The following MCM10 variants were observed in gnomAD, a reference collection of about 807,000 sequenced individuals.
The protein encoded by MCM10 is protein MCM10 homolog.
MCM10 carries 91 observed loss-of-function variants against 109.9 expected under a neutral mutation model. The ratio of observed to expected loss-of-function variants is 0.83; its 90% CI spans 0.70 to 0.99. The LOEUF (loss-of-function observed/expected upper bound fraction) is 0.99, where lower values mean the gene tolerates loss of function less well. Among genes scored for constraint, MCM10 ranks in the 50% least tolerant of loss-of-function variants. The pLI is 0.00. For missense variants in MCM10, 1,077 were observed against 1,061.2 expected (o/e 1.01, Z -0.21); for synonymous variants, 380 against 387.2 (o/e 0.98, Z 0.22).
At chr10:13,178,060 CT>C (rs886856698) in intron 6 of MCM10, among the ~76,000 whole-genome samples, 1 of 152,084 alleles carries the variant, frequency 6.6e-6, no homozygotes, top group African/African-American at 2.4e-5. Flanking sequence ...CCAATGTTTT[CT>C]TTTAGTAATC....
In MCM10 at chr10:13,171,218, C is replaced by G; in HGVS notation, c.304C>G (p.Pro102Ala). Residue 102 changes from proline to alanine, a missense_variant, in exon 3 of 20, where the codon CCT becomes GCT. Pro to Ala is a conservative substitution (Grantham distance 27). Coordinates refer to ENST00000378714, the MANE Select transcript of MCM10 (RefSeq NM_018518.5). ...ACAGTCAACTGAAAATAGGGTCCTCCCTGCTCCTGCCCCCAGGCGAGAGAA... is the reference window on the plus strand; with the variant it reads ...ACAGTCAACTGAAAATAGGGTCCTCGCTGCTCCTGCCCCCAGGCGAGAGAA... ...ASQSTENRVL[P>A]APAPRREKTN... 1 of 1,613,732 alleles carries G rather than the reference C, an allele frequency of 6.2e-7. No individual in the cohort carries two copies. The highest frequency in any genetic ancestry group is 8.5e-7 in the Non-Finnish European group (1 of 1,179,824).
At chr10:13,173,713 T>C (rs1403206949) in intron 5 of MCM10, among the ~76,000 whole-genome samples, 2 of 152,206 alleles carry the variant, frequency 1.3e-5, no homozygotes, top group Non-Finnish European at 2.9e-5. Flanking sequence ...GCAAGTTATA[T>C]ATTCAGATAT....
At chr10:13,169,177 T>C (rs1262905729) in intron 2 of MCM10, among the ~76,000 whole-genome samples, 2 of 152,238 alleles carry the variant, frequency 1.3e-5, no homozygotes, top group African/African-American at 4.8e-5. Context: ...GCAAATGGCA[T>C]ACCTAGTCCA....
chr10:13,163,696 T>G (rs572514401), intron 1 of MCM10, among the ~76,000 whole-genome samples: 12 of 151,760 alleles, frequency 7.9e-5, no homozygotes, highest in Non-Finnish European at 1.6e-4. Flanking sequence ...TTTGTGTGTG[T>G]GTGTGTGTAA....
In MCM10 at chr10:13,166,688, A is replaced by ATG. The variant is rs1435674336; in HGVS notation, c.7+2480_7+2481insGT. On this transcript the variant is annotated intron_variant, in intron 2 of 19. Transcript: ENST00000378714. Reference sequence around the variant, plus strand: ...TATATATATATATATATATATATATATCATCAGCTAAGAGTAAAGAGTGGG... The same window carrying ATG: ...TATATATATATATATATATATATATATGTCATCAGCTAAGAGTAAAGAGTGGG... Among the ~76,000 whole-genome samples, 940 of 135,888 alleles carry ATG rather than the reference A, an allele frequency of 6.9e-3. 30 individuals carry two copies. The highest frequency in any genetic ancestry group is 0.024 in the African/African-American group (788 of 33,060). The allele number at this position is 135,888 out of a possible 152,430, so 89.1% of individuals were successfully genotyped here. A position where few individuals can be genotyped will look rare whatever the true frequency, so the allele number is the denominator to read the frequency against.
At chr10:13,164,244 A>G (rs557127753) in intron 2 of MCM10, 35 bp downstream of exon 2, 14 of 1,582,254 alleles carry the variant, frequency 8.8e-6, no homozygotes, top group Admixed American at 3.8e-5. Context: ...CTCTGTTTCA[A>G]GGAAAACTAA....
At chr10:13,207,451 G>A (rs540009036) in intron 18 of MCM10, among the ~76,000 whole-genome samples, 21 of 152,286 alleles carry the variant, frequency 1.4e-4, no homozygotes, top group African/African-American at 5.1e-4. Flanking sequence ...ATGGTTGGGA[G>A]GTTGTAAGGG....
At chr10:13,186,362 AC>A in intron 9 of MCM10, 82 bp downstream of exon 9, 1 of 910,678 alleles carries the variant, frequency 1.1e-6, no homozygotes, top group Non-Finnish European at 1.7e-6. Flanking sequence ...AGCTGTGATG[AC>A]CAGTTTGGAA....
chr10:13,192,826 A>G (rs1834366767), intron 13 of MCM10, among the ~76,000 whole-genome samples: 1 of 152,134 alleles, frequency 6.6e-6, no homozygotes, highest in African/African-American at 2.4e-5. Flanking sequence ...GTGTATGTAA[A>G]GAGGGTTTTT....
In MCM10 at chr10:13,163,084, A is replaced by AC. The variant is rs2131549976; in HGVS notation, c.-75-1044_-75-1043insC. Among the ~76,000 whole-genome samples the AC allele has an allele frequency of 1.3e-5, 2 of 152,164 alleles. 1 individual carries two copies. Among genetic ancestry groups the AC allele is most frequent in the East Asian group, 3.9e-4 (2 of 5,168 alleles). On this transcript the variant is annotated intron_variant, in intron 1 of 19. Coordinates refer to ENST00000378714, the MANE Select transcript of MCM10 (RefSeq NM_018518.5). ...ACAGAGACTCCGTCTCAAAAAAAAA[A>AC]AAAAGCACCTTTGGGAGTCCAAGGC...
chr10:13,197,883 G>GGT, intron 15 of MCM10, 116 bp downstream of exon 15: 1 of 1,006,920 alleles, frequency 9.9e-7, no homozygotes, highest in Non-Finnish European at 1.4e-6. Flanking sequence ...CTCCTATATA[G>GGT]AATACCTAAA....
At chr10:13,200,724 G>C (rs1018267178) in intron 16 of MCM10, among the ~76,000 whole-genome samples, 1 of 152,104 alleles carries the variant, frequency 6.6e-6, no homozygotes, top group African/African-American at 2.4e-5. Flanking sequence ...ACTCACCAGT[G>C]GGGGCCTGGA....
Position 13,210,440 on chromosome 10 carries a change from A to C in MCM10, c.*1130A>C, listed in dbSNP as rs1251003837. ...TCATTTGACCTAAGTGAATGTTGAT[A>C]CTAGCTAAAGATTGGGTAAATTGGT... On this transcript the variant is annotated 3_prime_UTR_variant, in exon 20 of 20. Coordinates refer to ENST00000378714, the MANE Select transcript of MCM10 (RefSeq NM_018518.5). The C allele has an allele frequency of 6.6e-6, 1 of 152,224 alleles. No individual in the cohort carries two copies. Among genetic ancestry groups the C allele is most frequent in the Non-Finnish European group, 1.5e-5 (1 of 68,044 alleles). The allele number at this position is 152,224 out of a possible 1,614,324, so 9.4% of individuals were successfully genotyped here. A position where few individuals can be genotyped will look rare whatever the true frequency, so the allele number is the denominator to read the frequency against.
Position 13,210,257 on chromosome 10 carries a change from G to A in MCM10, c.*947G>A, listed in dbSNP as rs917557800. 2.1e-5 allele frequency: 3 copies of A among 144,988 alleles called. No individual in the cohort carries two copies. Among genetic ancestry groups the A allele is most frequent in the African/African-American group, 7.7e-5 (3 of 38,720 alleles). The allele number at this position is 144,988 out of a possible 1,614,324, so 9.0% of individuals were successfully genotyped here. On this transcript the variant is annotated 3_prime_UTR_variant, in exon 20 of 20. Coordinates refer to ENST00000378714, the MANE Select transcript of MCM10 (RefSeq NM_018518.5). ...TTTTGTAGAGATGGGGTTTTGCCAT[G>A]TTGCTCAGGCTGGTCTCAAACTCCT...
chr10:13,197,082 T>G (rs982624505), intron 14 of MCM10, among the ~76,000 whole-genome samples: 5 of 152,018 alleles, frequency 3.3e-5, no homozygotes, highest in Non-Finnish European at 7.4e-5. Context: ...TGCACTACCA[T>G]GCCCAGCTAA....
intron 14 of MCM10, 37 bp from the exon 15 acceptor site, chr10:13,197,586 T>G (rs1421075304): frequency 6.3e-7 from 1 of 1,594,168 alleles, no homozygotes; most frequent in Non-Finnish European, 8.5e-7. Flanking sequence ...CTGTCATCTT[T>G]TAGATCTTTA....
chr10:13,197,813 A>G (rs1175119572), intron 15 of MCM10, 46 bp downstream of exon 15: 1 of 1,582,722 alleles, frequency 6.3e-7, no homozygotes, highest in Non-Finnish European at 8.6e-7. Flanking sequence ...AACTGTTTCT[A>G]AGGGAAATAT....
intron 8 of MCM10, among the ~76,000 whole-genome samples, chr10:13,185,137 C>T (rs1308577294): frequency 6.6e-6 from 1 of 152,180 alleles, no homozygotes; most frequent in Non-Finnish European, 1.5e-5. Context: ...AGCCAGTCCA[C>T]CAAGACTCAG....
At chr10:13,171,650 C>T (rs1834074583) in intron 3 of MCM10, among the ~76,000 whole-genome samples, 1 of 152,172 alleles carries the variant, frequency 6.6e-6, no homozygotes, top group South Asian at 2.1e-4. Flanking sequence ...TTTTCTCATT[C>T]CTGGCATCTC....
Sources: allele counts gnomAD v4.1 joint callset (sites outside exome capture counted in the v4.1 genomes callset), GRCh38; gene constraint gnomAD v4.1.1; transcripts MANE v1.5; gene names NCBI Gene and HGNC (gene_info 2026-07-23, HGNC 2026-07-21).